EIF5: variants seen among roughly 807,000 people sequenced by gnomAD.
EIF5 encodes eukaryotic translation initiation factor 5.
A neutral mutation model predicts 48.3 loss-of-function variants in EIF5; 10 were observed. That is an observed-to-expected ratio of 0.21 (90% CI 0.13 to 0.35). The LOEUF is 0.35. Ranked by LOEUF, EIF5 falls within the 10% of genes least tolerant of loss-of-function variation. The pLI is 1.00. For synonymous variants in EIF5, 237 were observed against 173.1 expected (o/e 1.37, Z -2.90); for missense variants, 397 against 533.2 (o/e 0.74, Z 2.51).
chr14:103,339,360 A>G (rs2089326270), intron 9 of EIF5, 27 bp downstream of exon 9: 2 of 1,575,154 alleles, frequency 1.3e-6, no homozygotes, highest in East Asian at 2.2e-5. Context: ...GGATTCATAA[A>G]TGAGATTACA....
Position 103,335,777 on chromosome 14 carries a change from T to C in EIF5, c.-84T>C. 6.9e-7 allele frequency: 1 copy of C among 1,446,364 alleles called. No homozygotes were observed. The highest frequency in any genetic ancestry group is 9.7e-7 in the Non-Finnish European group (1 of 1,032,486). The allele number at this position is 1,446,364 out of a possible 1,614,324, so 89.6% of individuals were successfully genotyped here. A position where few individuals can be genotyped will look rare whatever the true frequency, so the allele number is the denominator to read the frequency against. ...AGAACTCTTGCAGTCGTTTATGTCATCCCTTCTTCTCCAGACAGAAGATAC... is the reference window on the plus strand; with the variant it reads ...AGAACTCTTGCAGTCGTTTATGTCACCCCTTCTTCTCCAGACAGAAGATAC... On this transcript the variant is annotated 5_prime_UTR_variant, in exon 3 of 12. Transcript: ENST00000216554.
chr14:103,339,090 C>A, intron 8 of EIF5, 82 bp from the exon 9 acceptor site: 1 of 1,516,644 alleles, frequency 6.6e-7, no homozygotes, highest in South Asian at 1.3e-5. Context: ...AAAATATGTT[C>A]ATCAGAGCAG....
In EIF5 at chr14:103,342,521, C is replaced by T. The variant is rs2089365555; in HGVS notation, c.*1469C>T. On this transcript the variant is annotated 3_prime_UTR_variant, in exon 12 of 12. Transcript: ENST00000216554. ...TTTTGGAGCAGTGGCTTATACCATT[C>T]ACCTCTGTTTTTTTGTGATTATTTC... 1 of 152,204 alleles carries T rather than the reference C, an allele frequency of 6.6e-6. No individual in the cohort carries two copies. 9.4% of individuals were successfully genotyped at this position (152,204 alleles called of 1,614,324 possible). A position where few individuals can be genotyped will look rare whatever the true frequency, so the allele number is the denominator to read the frequency against.
chr14:103,336,014 C>G, intron 3 of EIF5, 22 bp from the exon 4 acceptor site: 1 of 1,613,986 alleles, frequency 6.2e-7, no homozygotes, highest in African/African-American at 1.3e-5. Context: ...AACTGCACAA[C>G]TAAAATTCTT....
chr14:103,335,640 C>CT lies in EIF5; in HGVS notation c.-208-8dup, dbSNP rs1176827290. 8.8e-6 allele frequency: 5 copies of CT among 565,312 alleles called. No homozygotes were observed. The highest frequency in any genetic ancestry group is 1.3e-5 in the Non-Finnish European group (4 of 317,900). The allele number at this position is 565,312 out of a possible 1,614,324, so 35.0% of individuals were successfully genotyped here. A position where few individuals can be genotyped will look rare whatever the true frequency, so the allele number is the denominator to read the frequency against. On this transcript the variant is annotated splice_polypyrimidine_tract_variant and intron_variant, in intron 2 of 11. Transcript: ENST00000216554. ...GGGGGGATTTTTGTGTGTTCTTTCCCTTTTTCTTTCAGAGCTGTTGCGCAG... is the reference window on the plus strand; with the variant it reads ...GGGGGGATTTTTGTGTGTTCTTTCCCTTTTTTCTTTCAGAGCTGTTGCGCAG...
chr14:103,338,117 TTG>T (rs781074324), intron 6 of EIF5: 4 of 722,374 alleles, frequency 5.5e-6, no homozygotes, highest in Non-Finnish European at 9.4e-6. Context: ...CCCTAATATT[TTG>T]TGTCACTCCA....
Position 103,339,745 on chromosome 14 carries a change from A to C in EIF5, c.1013A>C (p.Lys338Thr). Reference protein sequence around the residue: ...QLISKIPHILKEMYDADLLEE... With the variant: ...QLISKIPHILTEMYDADLLEE... ...ATCTCCAAGATTCCACATATCTTGAAGGAGATGTACGATGCAGACCTTTTA... is the reference window on the plus strand; with the variant it reads ...ATCTCCAAGATTCCACATATCTTGACGGAGATGTACGATGCAGACCTTTTA... The change falls in exon 10 of 12, where the codon AAG becomes ACG. Residue 338 changes from lysine (K) to threonine (T), a missense_variant. Transcript: ENST00000216554. 1 of 1,614,226 alleles carries C rather than the reference A, an allele frequency of 6.2e-7. No individual in the cohort carries two copies. Among genetic ancestry groups the C allele is most frequent in the Non-Finnish European group, 8.5e-7 (1 of 1,180,034 alleles).
intron 8 of EIF5, 105 bp downstream of exon 8, chr14:103,338,998 C>G: frequency 1.3e-6 from 2 of 1,492,830 alleles, no homozygotes; most frequent in Non-Finnish European, 1.8e-6. Context: ...TAATGCACGA[C>G]TTTTTAGAAC....
At chr14:103,336,984 ATTC>A in intron 5 of EIF5, 129 bp from the exon 6 acceptor site, 1 of 1,383,688 alleles carries the variant, frequency 7.2e-7, no homozygotes. Flanking sequence ...AGATATTTCC[ATTC>A]TTTTTTTTAA....
At chr14:103,340,755 C>G (rs2089343906) in intron 11 of EIF5, among the ~76,000 whole-genome samples, 194 bp downstream of exon 11, 1 of 151,822 alleles carries the variant, frequency 6.6e-6, no homozygotes, top group South Asian at 2.1e-4. Context: ...CCTACTCCTA[C>G]ACATTATAGT....
At position 103,334,372 on chromosome 14, in the gene EIF5, C is replaced by A. The variant is rs908320237; in HGVS notation, c.-417-17C>A. On this transcript the variant is annotated splice_polypyrimidine_tract_variant and intron_variant, in intron 1 of 11. Transcript: ENST00000216554. ...CCCCGACCGCCCACGGCTCACGGCGCCGTCTCTCCGCGCCAGGTCGCCCAG... is the reference window on the plus strand; with the variant it reads ...CCCCGACCGCCCACGGCTCACGGCGACGTCTCTCCGCGCCAGGTCGCCCAG... 1 of 152,258 alleles carries A rather than the reference C, an allele frequency of 6.6e-6. No individual in the cohort carries two copies. Among genetic ancestry groups the A allele is most frequent in the Admixed American group, 6.5e-5 (1 of 15,282 alleles). 9.4% of individuals were successfully genotyped at this position (152,258 alleles called of 1,614,324 possible).
At chr14:103,340,340 T>TC (rs1406280973) in intron 10 of EIF5, 87 bp from the exon 11 acceptor site, 8 of 1,427,398 alleles carry the variant, frequency 5.6e-6, no homozygotes, top group Non-Finnish European at 7.7e-6. Flanking sequence ...TAGGACCCAG[T>TC]CCCCTCAGCT....
intron 4 of EIF5, 100 bp downstream of exon 4, chr14:103,336,217 C>T: frequency 5.0e-6 from 6 of 1,195,928 alleles, no homozygotes; most frequent in South Asian, 2.8e-5. Context: ...AGCTAATTAC[C>T]TTACAAGTTA....
Position 103,338,766 on chromosome 14 carries a change from A to C in EIF5, c.617A>C (p.Asp206Ala), listed in dbSNP as rs1348526010. The C allele has an allele frequency of 1.2e-6, 2 of 1,614,060 alleles. No homozygotes were observed. The highest frequency in any genetic ancestry group is 1.7e-6 in the Non-Finnish European group (2 of 1,180,046). ...GAGGAGGATGATGACTGGGGAGAAG[A>C]TACAACTGAGGAAGCTCAAAGGCGT... ...EEEEDDDWGE[D>A]TTEEAQRRRM... Residue 206 changes from aspartate (D) to alanine (A), a missense_variant, in exon 8 of 12, where the codon GAT (aspartate) becomes GCT (alanine). Asp to Ala is a moderately radical substitution (Grantham distance 126). This residue lies in a region of EIF5 where 126 missense variants were observed against 141.9 expected (regional missense o/e 0.89). Coordinates refer to ENST00000216554, the MANE Select transcript of EIF5 (RefSeq NM_001969.5).
In EIF5 at chr14:103,336,853, A is replaced by G. The variant is rs1387671774; in HGVS notation, c.327+4A>G. On this transcript the variant is annotated splice_donor_region_variant and intron_variant, in intron 5 of 11. Coordinates refer to ENST00000216554, the MANE Select transcript of EIF5 (RefSeq NM_001969.5). Reference sequence around the variant, plus strand: ...TGAGAATCCTGAAACAGATTTGGTAAGTGCTTTTGTGGTTGTCGAAAGAAA... The same window carrying G: ...TGAGAATCCTGAAACAGATTTGGTAGGTGCTTTTGTGGTTGTCGAAAGAAA... 1 of 1,609,982 alleles carries G rather than the reference A, an allele frequency of 6.2e-7. No homozygotes were observed.
chr14:103,342,067 C>CT lies in EIF5; in HGVS notation c.*1020dup. The CT allele has an allele frequency of 6.6e-6, 1 of 152,464 alleles. No individual in the cohort carries two copies. Among genetic ancestry groups the CT allele is most frequent in the Non-Finnish European group, 1.5e-5 (1 of 67,994 alleles). 9.4% of individuals were successfully genotyped at this position (152,464 alleles called of 1,614,324 possible). Reference sequence around the variant, plus strand: ...TTTACATTTGGACACATAGTTTATGCTTTTTAGATTTTGGTTGCTTTCTTG... The same window carrying CT: ...TTTACATTTGGACACATAGTTTATGCTTTTTTAGATTTTGGTTGCTTTCTTG... On this transcript the variant is annotated 3_prime_UTR_variant, in exon 12 of 12. Transcript: ENST00000216554.
intron 9 of EIF5, 60 bp downstream of exon 9, chr14:103,339,393 CAT>C: frequency 6.5e-7 from 1 of 1,538,202 alleles, no homozygotes; most frequent in Non-Finnish European, 8.7e-7. Context: ...TCGAGATGGT[CAT>C]ATTAACCACT....
intron 11 of EIF5, 41 bp from the exon 12 acceptor site, chr14:103,340,922 A>C: frequency 6.3e-7 from 1 of 1,585,172 alleles, no homozygotes; most frequent in Non-Finnish European, 8.7e-7. Flanking sequence ...TTATAAACAG[A>C]TTTATCAGCT....
intron 6 of EIF5, chr14:103,337,735 CATT>C: frequency 2.4e-6 from 1 of 422,086 alleles, no homozygotes; most frequent in South Asian, 1.8e-5. Context: ...TCAATTAAGA[CATT>C]ATCTGAGGGT....
Sources: allele counts gnomAD v4.1 joint callset (sites outside exome capture counted in the v4.1 genomes callset), GRCh38; gene constraint gnomAD v4.1.1; regional missense constraint gnomAD v4.1.1; transcripts MANE v1.5; gene names NCBI Gene and HGNC (gene_info 2026-07-23, HGNC 2026-07-21).